Variants in SCNN1B observed in about 807,000 individuals in gnomAD.
SCNN1B encodes epithelial sodium channel subunit beta.
A neutral mutation model predicts 65.3 loss-of-function variants in SCNN1B; 46 were observed. The ratio of observed to expected loss-of-function variants is 0.70; its 90% CI spans 0.56 to 0.90. The LOEUF is 0.90. Among genes scored for constraint, SCNN1B ranks in the 40% least tolerant of loss-of-function variants. The pLI is 0.00. For missense variants in SCNN1B, 751 were observed against 830.5 expected, an observed-to-expected ratio of 0.90 and a Z score of 1.18; for synonymous variants, 349 against 330.6, an observed-to-expected ratio of 1.06 and a Z score of -0.60.
chr16:23,318,199 C>T (rs1961512234), intron 1 of SCNN1B, among the ~76,000 whole-genome samples: 1 of 152,184 alleles, frequency 6.6e-6, no homozygotes, highest in Non-Finnish European at 1.5e-5. Context: ...TGAGAGCAGA[C>T]TCTGGAGCAA....
chr16:23,340,007 G>A (rs1227515076), intron 1 of SCNN1B, among the ~76,000 whole-genome samples: 1 of 151,948 alleles, frequency 6.6e-6, no homozygotes, highest in East Asian at 1.9e-4. Flanking sequence ...GGTGTGAAGT[G>A]ATAGCTCATT....
intron 8 of SCNN1B, among the ~76,000 whole-genome samples, chr16:23,376,153 C>G (rs1962890317): frequency 6.6e-6 from 1 of 152,244 alleles, no homozygotes; most frequent in African/African-American, 2.4e-5. Context: ...ACATGTGCAA[C>G]CCTGGGCATG....
chr16:23,343,685 G>A (rs553997585), intron 1 of SCNN1B, among the ~76,000 whole-genome samples: 14 of 150,008 alleles, frequency 9.3e-5, no homozygotes, highest in East Asian at 3.9e-4. Flanking sequence ...AAAAAAAGCC[G>A]AAACACTTTT....
chr16:23,327,833 T>A (rs1961728864), intron 1 of SCNN1B, among the ~76,000 whole-genome samples: 1 of 152,190 alleles, frequency 6.6e-6, no homozygotes, highest in East Asian at 1.9e-4. Context: ...GATGTACACT[T>A]GTTTTTCCTT....
chr16:23,377,563 TCCTCTCTTTTCCCTTCCTC>T (rs1201791785), intron 10 of SCNN1B, among the ~76,000 whole-genome samples, 177 bp downstream of exon 10: 2 of 107,998 alleles, frequency 1.9e-5, no homozygotes, highest in African/African-American at 6.2e-5. Context: ...CCTTCCTTCC[TCCTCTCTTTTCCCTTCCTC>T]CCTCCCTTCT....
rs567378809 is a variant in SCNN1B at position 23,350,848 on chromosome 16, G to A, written c.311+1938G>A. Among the ~76,000 whole-genome samples the A allele has an allele frequency of 2.6e-5, 4 of 152,192 alleles. No individual in the cohort carries two copies. The East Asian group carries it at 5.8e-4, about 22-fold the overall frequency. ...AAATCACTTGAACTCAGGAGGTGGA[G>A]GTTGCAGTGAGCCGAGATCTCGCCA... On this transcript the variant is annotated intron_variant, in intron 2 of 12. Transcript: ENST00000343070.
intron 1 of SCNN1B, among the ~76,000 whole-genome samples, chr16:23,339,644 C>A (rs769215519): frequency 7.9e-5 from 12 of 151,738 alleles, no homozygotes; most frequent in Non-Finnish European, 1.2e-4. Context: ...CGACTCACTG[C>A]AACCTCTACC....
intron 7 of SCNN1B, among the ~76,000 whole-genome samples, chr16:23,374,387 A>G (rs542474707): frequency 1.3e-5 from 2 of 151,222 alleles, no homozygotes; most frequent in African/African-American, 4.9e-5. Flanking sequence ...CAGCCTGGCC[A>G]ACATAGTGAA....
chr16:23,297,756 C>A (rs983037814), upstream of SCNN1B, among the ~76,000 whole-genome samples: 1 of 152,122 alleles, frequency 6.6e-6, no homozygotes, highest in Admixed American at 6.5e-5. Context: ...AATTAATAGG[C>A]CTGGGCCATA....
At chr16:23,303,785 G>A (rs1018520011) in intron 1 of SCNN1B, among the ~76,000 whole-genome samples, 4 of 152,038 alleles carry the variant, frequency 2.6e-5, no homozygotes, top group Non-Finnish European at 4.4e-5. Flanking sequence ...CGGGCATAGT[G>A]GTATGTGCCT....
chr16:23,341,798 G>C (rs12448916), intron 1 of SCNN1B, among the ~76,000 whole-genome samples: 16,636 of 152,180 alleles, frequency 0.11, 1,025 homozygotes, highest in African/African-American at 0.16. Flanking sequence ...ACCCCATTAA[G>C]GTAGCTGTAA....
intron 2 of SCNN1B, among the ~76,000 whole-genome samples, chr16:23,294,491 C>A (rs957219058): frequency 7.0e-6 from 1 of 143,592 alleles, no homozygotes; most frequent in African/African-American, 2.5e-5. Flanking sequence ...CTGAACCCCC[C>A]TCTTAGTCTC....
At chr16:23,316,969 A>G (rs527759385) in intron 1 of SCNN1B, among the ~76,000 whole-genome samples, 120 of 152,300 alleles carry the variant, frequency 7.9e-4, no homozygotes, top group African/African-American at 2.8e-3. Context: ...GAGCAACATT[A>G]TGGTCACCCA....
At chr16:23,324,098 G>A (rs532666866) in intron 1 of SCNN1B, among the ~76,000 whole-genome samples, 9 of 152,200 alleles carry the variant, frequency 5.9e-5, no homozygotes, top group African/African-American at 1.9e-4. Context: ...GCTCAGAGAG[G>A]TGATGCGATT....
rs761118487 is a variant in SCNN1B, at chr16:23,307,295, C to CTTT, written c.-9+4876_-9+4878dup. ...TTTGACTGGAATGAAGCCTGTGCTC[C>CTTT]TTTTTTTTTTTTTTTTTTTTGGTGG... is the stretch of plus-strand genomic sequence containing the variant. On this transcript the variant is annotated intron_variant, in intron 1 of 12. Transcript: ENST00000343070. 5.6e-3 allele frequency among the ~76,000 whole-genome samples: 630 copies of CTTT among 113,260 alleles called. 17 individuals carry two copies. The highest frequency in any genetic ancestry group is 0.017 in the African/African-American group (445 of 26,846). 74.3% of individuals were successfully genotyped at this position (113,260 alleles called of 152,430 possible).
At chr16:23,375,702 T>A in intron 7 of SCNN1B, 36 bp from the exon 8 acceptor site, 1 of 1,425,042 alleles carries the variant, frequency 7.0e-7, no homozygotes, top group Non-Finnish European at 9.9e-7. Context: ...TGACCATGCC[T>A]GTGTTCTCTC....
In SCNN1B at chr16:23,353,038, C is replaced by A. The variant is rs1302249491; in HGVS notation, c.549C>A (p.Ile183=). The change falls in exon 3 of 13, where the codon ATC becomes ATA. Residue 183 remains isoleucine, a synonymous_variant. Coordinates refer to ENST00000343070, the MANE Select transcript of SCNN1B (RefSeq NM_000336.3). ...CAAGCAGCTCAGCATCAGAAAAGATCTGTAATGCCCACGGGTGCAAAATGG... is the reference window on the plus strand; with the variant it reads ...CAAGCAGCTCAGCATCAGAAAAGATATGTAATGCCCACGGGTGCAAAATGG... The part of the protein sequence containing the change: ...GLTSSSASEK[I]CNAHGCKMAM... The A allele has an allele frequency of 6.2e-7, 1 of 1,614,198 alleles. No homozygotes were observed.
intron 2 of SCNN1B, among the ~76,000 whole-genome samples, chr16:23,349,198 T>C (rs1962256487): frequency 1.3e-5 from 2 of 152,098 alleles, no homozygotes; most frequent in Non-Finnish European, 2.9e-5. Flanking sequence ...CTTCATAAAC[T>C]TTTGGCCAGG....
intron 7 of SCNN1B, among the ~76,000 whole-genome samples, chr16:23,374,268 G>GAAAAAAAAAAAAAAA (rs1223701346): frequency 1.2e-4 from 7 of 60,456 alleles, no homozygotes; most frequent in Admixed American, 2.9e-4. Context: ...CCTGTCTCAG[G>GAAAAAAAAAAAAAAA]AAAAAAAAAA....
Sources: allele counts gnomAD v4.1 joint callset (sites outside exome capture counted in the v4.1 genomes callset), GRCh38; gene constraint gnomAD v4.1.1; transcripts MANE v1.5; gene names NCBI Gene and HGNC (gene_info 2026-07-23, HGNC 2026-07-21).